Variants in IMMP2L observed in about 807,000 individuals in gnomAD.
IMMP2L encodes inner mitochondrial membrane peptidase subunit 2, also known as mitochondrial inner membrane protease subunit 2.
IMMP2L carries 18 observed loss-of-function variants against 19.3 expected under a neutral mutation model. The ratio of observed to expected loss-of-function variants is 0.93; its 90% CI spans 0.64 to 1.38. The LOEUF (loss-of-function observed/expected upper bound fraction) is 1.38, where lower values mean the gene tolerates loss of function less well. Among genes scored for constraint, IMMP2L ranks in the 40% most tolerant of loss-of-function variants. The pLI is 0.00. For synonymous variants in IMMP2L, 76 were observed against 73.0 expected (o/e 1.04, Z -0.21); for missense variants, 233 against 218.2 (o/e 1.07, Z -0.43).
intron 5 of IMMP2L, among the ~76,000 whole-genome samples, chr7:110,856,342 G>A (rs567024755): frequency 1.1e-4 from 16 of 152,084 alleles, no homozygotes; most frequent in South Asian, 6.2e-4. Flanking sequence ...ATTACCACAC[G>A]TTGTAAGTAT....
chr7:110,733,401 A>C (rs2041854296), intron 5 of IMMP2L, among the ~76,000 whole-genome samples: 1 of 151,756 alleles, frequency 6.6e-6, no homozygotes, highest in South Asian at 2.1e-4. Flanking sequence ...CTTACATTTT[A>C]TTAGCCAAAA....
chr7:110,802,448 T>C (rs1801327706), intron 5 of IMMP2L, among the ~76,000 whole-genome samples: 1 of 151,954 alleles, frequency 6.6e-6, no homozygotes. Flanking sequence ...GTGGCATTTT[T>C]TTGTTTACGT....
At chr7:111,371,218 A>G (rs1010576245) in intron 3 of IMMP2L, among the ~76,000 whole-genome samples, 2 of 151,922 alleles carry the variant, frequency 1.3e-5, no homozygotes, top group South Asian at 4.1e-4. Flanking sequence ...TCACTAATCT[A>G]CTAATTTCTC....
At chr7:111,292,192 T>A (rs1311969382) in intron 3 of IMMP2L, among the ~76,000 whole-genome samples, 2 of 152,174 alleles carry the variant, frequency 1.3e-5, no homozygotes, top group Non-Finnish European at 2.9e-5. Context: ...AAGTCCCTAT[T>A]CAGACTTCAC....
intron 5 of IMMP2L, among the ~76,000 whole-genome samples, chr7:110,819,891 A>G (rs1802871468): frequency 6.6e-6 from 1 of 152,050 alleles, no homozygotes; most frequent in South Asian, 2.1e-4. Flanking sequence ...AACTGACTAT[A>G]CCTTTTTTCT....
chr7:111,124,188 G>C lies in IMMP2L; in HGVS notation c.240-160623C>G, dbSNP rs868473146. 9 of 1,613,784 alleles carry C rather than the reference G, an allele frequency of 5.6e-6. No homozygotes were observed. In the Middle Eastern group the frequency reaches 6.6e-4, roughly 118 times the overall value. ...TCTTGCCTAATACCCTGACAGACAA[G>C]TTCTATGTCCATTCTGAGGGAACAC... On this transcript the variant is annotated intron_variant, in intron 3 of 5. Coordinates refer to ENST00000405709, the MANE Select transcript of IMMP2L (RefSeq NM_032549.4).
At chr7:111,421,851 T>G (rs1835590978) in intron 3 of IMMP2L, among the ~76,000 whole-genome samples, 2 of 151,908 alleles carry the variant, frequency 1.3e-5, no homozygotes, top group African/African-American at 4.9e-5. Context: ...TTTATGGTTT[T>G]AGGTCTAGCA....
chr7:111,396,155 T>C (rs980082926), intron 3 of IMMP2L, among the ~76,000 whole-genome samples: 1 of 152,118 alleles, frequency 6.6e-6, no homozygotes, highest in Non-Finnish European at 1.5e-5. Context: ...GGATTATAAA[T>C]CATTTTACTA....
intron 3 of IMMP2L, among the ~76,000 whole-genome samples, chr7:111,437,189 T>C (rs567953025): frequency 1.3e-5 from 2 of 151,894 alleles, no homozygotes; most frequent in Non-Finnish European, 2.9e-5. Flanking sequence ...CTCGTGCCTG[T>C]AATCCCAGCA....
intron 3 of IMMP2L, among the ~76,000 whole-genome samples, chr7:111,281,128 AAGAGAGAAAGACAGAAAGAC>A (rs1563003856): frequency 2.7e-5 from 2 of 74,922 alleles, no homozygotes; most frequent in Non-Finnish European, 4.8e-5. Flanking sequence ...GAAAGAGAGA[AAGAGAGAAAGACAGAAAGAC>A]AGAAAGACAG....
At chr7:111,280,627 G>A (rs972904916) in intron 3 of IMMP2L, among the ~76,000 whole-genome samples, 3 of 152,106 alleles carry the variant, frequency 2.0e-5, no homozygotes, top group Non-Finnish European at 2.9e-5. Flanking sequence ...CTGGTCTTCC[G>A]AGAAACTTGG....
intron 3 of IMMP2L, among the ~76,000 whole-genome samples, chr7:111,146,465 A>T (rs1475519687): frequency 2.0e-5 from 3 of 152,132 alleles, no homozygotes; most frequent in Non-Finnish European, 4.4e-5. Context: ...TTGCCACTAG[A>T]ACCCAAATGA....
chr7:111,294,119 T>G (rs1194660572), intron 3 of IMMP2L, among the ~76,000 whole-genome samples: 1 of 151,964 alleles, frequency 6.6e-6, no homozygotes, highest in Non-Finnish European at 1.5e-5. Context: ...TCATTTACCC[T>G]TACCATTTCA....
In IMMP2L at chr7:111,378,099, A is replaced by C. The variant is rs546334427; in HGVS notation, c.239+109139T>G. ...CACAACTTTAGATAATATAAAAAAA[A>C]CTGAAATATAATCTCTAATCAATTT... On this transcript the variant is annotated intron_variant, in intron 3 of 5. Transcript: ENST00000405709. 3.9e-4 allele frequency among the ~76,000 whole-genome samples: 60 copies of C among 152,156 alleles called. No individual in the cohort carries two copies. In the South Asian group the frequency reaches 0.012, roughly 29 times the overall value.
intron 5 of IMMP2L, chr7:110,664,696 T>G (rs1462851773): frequency 1.3e-5 from 2 of 152,170 alleles, no homozygotes; most frequent in South Asian, 2.1e-4. Context: ...TTAAAAAAAT[T>G]GTTGTTGTTA....
chr7:111,104,282 CCTCT>C (rs1369298787), intron 3 of IMMP2L, among the ~76,000 whole-genome samples: 6 of 151,798 alleles, frequency 4.0e-5, no homozygotes, highest in African/African-American at 1.4e-4. Flanking sequence ...TCTCCCACTC[CCTCT>C]GTGTCCCAAT....
intron 5 of IMMP2L, among the ~76,000 whole-genome samples, chr7:110,860,445 T>C (rs1807280349): frequency 6.6e-6 from 1 of 152,144 alleles, no homozygotes; most frequent in Admixed American, 6.6e-5. Flanking sequence ...CAATTGAATG[T>C]TGACAGATAC....
chr7:111,503,692 G>A (rs1309272828), intron 2 of IMMP2L, among the ~76,000 whole-genome samples: 3 of 151,994 alleles, frequency 2.0e-5, no homozygotes, highest in Non-Finnish European at 4.4e-5. Context: ...ATGTAATCCA[G>A]CATATAAACA....
chr7:110,776,934 T>G (rs1180917678), intron 5 of IMMP2L, among the ~76,000 whole-genome samples: 1 of 152,014 alleles, frequency 6.6e-6, no homozygotes, highest in Non-Finnish European at 1.5e-5. Flanking sequence ...ACTGATTTTG[T>G]GTTTCTTTAC....
Sources: gnomAD v4.1 joint callset for allele counts (sites outside exome capture counted in the v4.1 genomes callset) on GRCh38, gnomAD v4.1.1 for gene constraint, MANE v1.5 for transcripts, NCBI Gene and HGNC (gene_info 2026-07-23, HGNC 2026-07-21) for gene names.